Variants in SMARCA4 observed in about 807,000 individuals in gnomAD.
SMARCA4 encodes SWI/SNF related BAF chromatin remodeling complex subunit ATPase 4, also known as SWI/SNF-related matrix-associated actin-dependent regulator of chromatin subfamily A member 4.
A neutral mutation model predicts 193.9 loss-of-function variants in SMARCA4; 31 were observed. That is an observed-to-expected ratio of 0.16 (90% CI 0.12 to 0.22). The LOEUF (loss-of-function observed/expected upper bound fraction) is 0.22. Ranked by LOEUF, SMARCA4 falls within the 10% of genes least tolerant of loss-of-function variation. SMARCA4 has a pLI of 1.00. For missense variants in SMARCA4, 1,148 were observed against 2,296.0 expected, an observed-to-expected ratio of 0.50 and a Z score of 10.22; for synonymous variants, 942 against 933.1, an observed-to-expected ratio of 1.01 and a Z score of -0.17.
rs148801259 is a variant in SMARCA4 at position 11,048,146 on chromosome 19, G to A, written c.4424+6586G>A. Among the ~76,000 whole-genome samples, 320 of 152,220 alleles carry A rather than the reference G, an allele frequency of 2.1e-3. 4 individuals are homozygous for A. The highest frequency in any genetic ancestry group is 7.9e-3 in the South Asian group (38 of 4,824). ...CTTGAATGGAATAAAGTCAGACACA[G>A]CTAACAGCTCACTTTTTTGTCTCCA... On this transcript the variant is annotated intron_variant, in intron 30 of 34. Transcript: ENST00000344626.
rs931348526 is a variant in SMARCA4 at position 11,033,278 on chromosome 19, C to T, written c.3547-12C>T. 1.9e-6 allele frequency: 3 copies of T among 1,609,026 alleles called. No individual in the cohort carries two copies. The highest frequency in any genetic ancestry group is 2.2e-5 in the East Asian group (1 of 44,890). ...GGGCTCCTTTGGGACTGACTGGCACCTCTTCCCCCAGGACCTGCAAGCGCA... is the reference window on the plus strand; with the variant it reads ...GGGCTCCTTTGGGACTGACTGGCACTTCTTCCCCCAGGACCTGCAAGCGCA... On this transcript the variant is annotated splice_polypyrimidine_tract_variant and intron_variant, in intron 25 of 34. Coordinates refer to ENST00000344626, the MANE Select transcript of SMARCA4 (RefSeq NM_003072.5). This position sits in a 1 kb window ranked among gnomAD's most constrained non-coding sequence, Gnocchi z 9.8.
In SMARCA4 at chr19:11,026,245, G is replaced by A. The variant is rs373910757; in HGVS notation, c.3169-55G>A. The stretch of plus-strand genomic sequence containing the variant: ...ACGAGCGGTGTGTGCGGACCGCAGC[G>A]GGGCCCGGTGGCCTGCTCCTGCCTG... On this transcript the variant is annotated intron_variant, in intron 22 of 34. Coordinates refer to ENST00000344626, the MANE Select transcript of SMARCA4 (RefSeq NM_003072.5). 1.2e-5 allele frequency: 17 copies of A among 1,433,022 alleles called. 1 individual carries two copies. Among genetic ancestry groups the A allele is most frequent in the South Asian group, 5.7e-5 (5 of 87,570 alleles). 88.8% of individuals were successfully genotyped at this position (1,433,022 alleles called of 1,614,324 possible). A position where few individuals can be genotyped will look rare whatever the true frequency, so the allele number is the denominator to read the frequency against.
intron 30 of SMARCA4, among the ~76,000 whole-genome samples, chr19:11,057,830 T>C (rs1368531652): frequency 6.6e-5 from 10 of 152,106 alleles, no homozygotes; most frequent in Admixed American, 6.6e-4. Context: ...AGGCCAGGCA[T>C]GGTGGCTCAC....
chr19:11,033,931 A>C lies in SMARCA4; in HGVS notation c.3873+66A>C. On this transcript the variant is annotated intron_variant, in intron 27 of 34. Transcript: ENST00000344626. This position sits in a 1 kb window ranked among gnomAD's most constrained non-coding sequence, Gnocchi z 9.8. ...GGCTTCTCGGCTGAGACGGCCAGCAAGGGCCCTGGTCCCACGGAGCGTGCG... is the reference window on the plus strand; with the variant it reads ...GGCTTCTCGGCTGAGACGGCCAGCACGGGCCCTGGTCCCACGGAGCGTGCG... 1.3e-6 allele frequency: 1 copy of C among 756,872 alleles called. No individual in the cohort carries two copies. The highest frequency in any genetic ancestry group is 1.4e-5 in the South Asian group (1 of 73,176). 46.9% of individuals were successfully genotyped at this position (756,872 alleles called of 1,614,324 possible).
Position 11,041,626 on chromosome 19 carries a change from A to G in SMARCA4, c.4424+66A>G, listed in dbSNP as rs1381393548. 2.8e-6 allele frequency: 4 copies of G among 1,410,040 alleles called. No homozygotes were observed. Among genetic ancestry groups the G allele is most frequent in the Non-Finnish European group, 4.0e-6 (4 of 1,009,076 alleles). 87.3% of individuals were successfully genotyped at this position (1,410,040 alleles called of 1,614,324 possible). ...CCGTGGGAGCAGGCCTGGCATCTGC[A>G]CTCTGACTCTGCACACTCAGGCTTG... is the stretch of plus-strand genomic sequence containing the variant. On this transcript the variant is annotated intron_variant, in intron 30 of 34. Transcript: ENST00000344626. The surrounding 1 kb of genome is among the most constrained non-coding windows in gnomAD (Gnocchi z 5.6).
At chr19:11,010,922 G>T in intron 15 of SMARCA4, 1 of 338,090 alleles carries the variant, frequency 3.0e-6, no homozygotes. Flanking sequence ...TGCATGCTCA[G>T]GACAGGTTAC....
intron 11 of SMARCA4, among the ~76,000 whole-genome samples, chr19:10,997,500 AT>A (rs762811269): frequency 6.6e-6 from 1 of 152,046 alleles, no homozygotes; most frequent in Non-Finnish European, 1.5e-5. Context: ...CAGTTTTTGT[AT>A]TTTTAGTAGA....
intron 1 of SMARCA4, chr19:10,961,619 C>G (rs1422165747): frequency 1.3e-5 from 2 of 152,252 alleles, no homozygotes; most frequent in Non-Finnish European, 2.9e-5. Flanking sequence ...GGGGCTCAGC[C>G]AAACCTCCAG....
rs1568416902 is a variant in SMARCA4 at position 10,984,223 on chromosome 19, TGGA to T, written c.74_76del (p.Gly25del). On this transcript the variant is annotated inframe_deletion, in exon 2 of 35. Coordinates refer to ENST00000344626, the MANE Select transcript of SMARCA4 (RefSeq NM_003072.5). The surrounding 1 kb of genome is among the most constrained non-coding windows in gnomAD (Gnocchi z 4.3). ...CTTCCCCGGGCCCTGGCCCTTCCCC[TGGA>T]GCCATGCTGGGCCCTAGCCCGGGTC... The T allele has an allele frequency of 1.2e-6, 2 of 1,612,472 alleles. No homozygotes were observed. Among genetic ancestry groups the T allele is most frequent in the Non-Finnish European group, 1.7e-6 (2 of 1,179,256 alleles).
intron 1 of SMARCA4, among the ~76,000 whole-genome samples, chr19:10,969,845 C>T (rs1041979712): frequency 6.6e-6 from 1 of 152,036 alleles, no homozygotes; most frequent in African/African-American, 2.4e-5. Context: ...AAATTAAAGT[C>T]ATTATCAGAC....
In SMARCA4 at chr19:10,984,313, C is replaced by A. The variant is rs1330092211; in HGVS notation, c.162C>A (p.His54Gln). 1.2e-6 allele frequency: 2 copies of A among 1,606,294 alleles called. No individual in the cohort carries two copies. Among genetic ancestry groups the A allele is most frequent in the Non-Finnish European group, 1.7e-6 (2 of 1,176,754 alleles). ...GCCCAGGGCCGCCCTCAGCAGGACACCCCATCCCCACCCAGGGGCCTGGAG... is the reference window on the plus strand; with the variant it reads ...GCCCAGGGCCGCCCTCAGCAGGACAACCCATCCCCACCCAGGGGCCTGGAG... Reference protein sequence around the residue: ...GPSPGPPSAGHPIPTQGPGGY... With the variant: ...GPSPGPPSAGQPIPTQGPGGY... The change falls in exon 2 of 35, where the codon CAC (histidine) becomes CAA (glutamine). Residue 54 changes from histidine (H) to glutamine (Q), a missense_variant. Physicochemically the swap from His to Gln is conservative, Grantham distance 24 (BLOSUM62 0). This residue lies in a region of SMARCA4 where 201 missense variants were observed against 248.3 expected (regional missense o/e 0.81). Coordinates refer to ENST00000344626, the MANE Select transcript of SMARCA4 (RefSeq NM_003072.5). The surrounding 1 kb of genome is among the most constrained non-coding windows in gnomAD (Gnocchi z 4.3).
intron 11 of SMARCA4, among the ~76,000 whole-genome samples, chr19:11,001,101 C>A (rs924371568): frequency 6.6e-6 from 1 of 152,110 alleles, no homozygotes; most frequent in Non-Finnish European, 1.5e-5. Flanking sequence ...GTTGTCCAGG[C>A]TGGAGTCCAG....
chr19:11,039,411 C>T (rs753677388), intron 29 of SMARCA4: 73 of 1,134,070 alleles, frequency 6.4e-5, no homozygotes, highest in East Asian at 2.1e-4. Context: ...AATTAGGGCA[C>T]GTTGTGCACT....
chr19:10,963,120 C>A (rs1568384778), intron 1 of SMARCA4, among the ~76,000 whole-genome samples: 1 of 151,834 alleles, frequency 6.6e-6, no homozygotes, highest in African/African-American at 2.4e-5. Context: ...TACCTGAAAT[C>A]CCAGCACTTG....
At chr19:11,061,463 C>A (rs1378673557) in intron 34 of SMARCA4, among the ~76,000 whole-genome samples, 1 of 151,832 alleles carries the variant, frequency 6.6e-6, no homozygotes, top group Non-Finnish European at 1.5e-5. Flanking sequence ...GCAAGCTCCA[C>A]CCCCCGGGAT....
Position 10,995,650 on chromosome 19 carries a change from G to A in SMARCA4, c.1594-563G>A, listed in dbSNP as rs2086967820. The A allele has an allele frequency of 8.0e-6, 3 of 376,540 alleles. 1 individual carries two copies. Among genetic ancestry groups the A allele is most frequent in the South Asian group, 3.9e-5 (2 of 51,656 alleles). The allele number at this position is 376,540 out of a possible 1,614,324, so 23.3% of individuals were successfully genotyped here. A position where few individuals can be genotyped will look rare whatever the true frequency, so the allele number is the denominator to read the frequency against. ...GTGCGGACAAAGGTTGAGGTGGCAG[G>A]CAGCCATGTGCCAGGGCAGCCGGTA... On this transcript the variant is annotated intron_variant, in intron 9 of 34. Transcript: ENST00000344626.
chr19:10,985,200 C>A lies in SMARCA4; in HGVS notation c.223-73C>A. ...GTTCTCGGTGCCCTCGAGCTTCTCT[C>A]GGGCAGCGCATAGCTGCGCTGCCAC... On this transcript the variant is annotated intron_variant, in intron 2 of 34. Transcript: ENST00000344626. The surrounding 1 kb of genome is among the most constrained non-coding windows in gnomAD (Gnocchi z 4.5). 3 of 1,534,584 alleles carry A rather than the reference C, an allele frequency of 2.0e-6. No individual in the cohort carries two copies. Among genetic ancestry groups the A allele is most frequent in the Non-Finnish European group, 2.7e-6 (3 of 1,109,632 alleles).
At position 10,984,222 on chromosome 19, in the gene SMARCA4, C is replaced by T. The variant is rs772230026; in HGVS notation, c.71C>T (p.Pro24Leu). The T allele has an allele frequency of 6.2e-7, 1 of 1,612,822 alleles. No homozygotes were observed. Among genetic ancestry groups the T allele is most frequent in the South Asian group, 1.1e-5 (1 of 91,056 alleles). ...CCTTCCCCGGGCCCTGGCCCTTCCC[C>T]TGGAGCCATGCTGGGCCCTAGCCCG... is the stretch of plus-strand genomic sequence containing the variant. ...PGPSPGPGPSPGAMLGPSPGP... is the reference protein window; with the variant it reads ...PGPSPGPGPSLGAMLGPSPGP... Residue 24 changes from proline (P) to leucine (L), a missense_variant, in exon 2 of 35, where the codon CCT becomes CTT. By Grantham distance (98) the Pro-to-Leu change is moderately conservative. Around this residue, in one of 17 missense-constraint regions of SMARCA4, gnomAD observed 201 missense variants for 248.3 expected, o/e 0.81. Transcript: ENST00000344626. The surrounding 1 kb of genome is among the most constrained non-coding windows in gnomAD (Gnocchi z 4.3).
intron 30 of SMARCA4, among the ~76,000 whole-genome samples, chr19:11,052,576 T>C (rs2076321437): frequency 6.6e-6 from 1 of 152,176 alleles, no homozygotes; most frequent in South Asian, 2.1e-4. Flanking sequence ...CCCTGCCTGC[T>C]CACTTCCCAA....
Sources: allele counts gnomAD v4.1 joint callset (sites outside exome capture counted in the v4.1 genomes callset), GRCh38; gene constraint gnomAD v4.1.1; regional missense constraint gnomAD v4.1.1; non-coding constraint Gnocchi (gnomAD v3.1); transcripts MANE v1.5; gene names NCBI Gene and HGNC (gene_info 2026-07-23, HGNC 2026-07-21).